ZNF292: variants seen among roughly 807,000 people sequenced by gnomAD.
The protein encoded by ZNF292 is 16 zinc-finger domain protein.
A neutral mutation model predicts 217.9 loss-of-function variants in ZNF292; 26 were observed. That is an observed-to-expected ratio of 0.12 (90% confidence interval 0.09 to 0.17). ZNF292 has a LOEUF of 0.17. Ranked by LOEUF, ZNF292 falls within the 10% of genes least tolerant of loss-of-function variation. ZNF292 has a pLI of 1.00. For missense variants in ZNF292, 2,904 were observed against 3,175.2 expected (o/e 0.91, Z 2.05); for synonymous variants, 1,257 against 1,124.1 (o/e 1.12, Z -2.37).
rs1219868035 is a variant in ZNF292, at chr6:87,261,625, G to A, written c.7996G>A (p.Val2666Ile). The A allele has an allele frequency of 2.5e-6, 4 of 1,611,132 alleles. No individual in the cohort carries two copies. The highest frequency in any genetic ancestry group is 2.2e-5 in the East Asian group (1 of 44,794). Residue 2666 changes from valine to isoleucine, a missense_variant, in exon 8 of 8, where the codon GTA becomes ATA. By Grantham distance (29) the Val-to-Ile change is conservative (BLOSUM62 3). Coordinates refer to ENST00000369577, the MANE Select transcript of ZNF292 (RefSeq NM_015021.3). ...NPSQLQCSDN[V>I]KIVLDKNLKD... ...ATCACAGCTTCAGTGCAGTGATAAT[G>A]TAAAAATTGTTTTAGACAAGAATCT...
In ZNF292 at chr6:87,260,177, T is replaced by C; in HGVS notation, c.6548T>C (p.Phe2183Ser). 6.2e-7 allele frequency: 1 copy of C among 1,612,904 alleles called. No individual in the cohort carries two copies. Among genetic ancestry groups the C allele is most frequent in the Non-Finnish European group, 8.5e-7 (1 of 1,179,018 alleles). Residue 2183 changes from phenylalanine (F) to serine (S), a missense_variant, in exon 8 of 8, where the codon TTC becomes TCC. Around this residue, in one of 15 missense-constraint regions of ZNF292, gnomAD observed 261 missense variants for 272.8 expected, o/e 0.96. Coordinates refer to ENST00000369577, the MANE Select transcript of ZNF292 (RefSeq NM_015021.3). ...CAGGTAAGTGACTGTTCTCGAATTT[T>C]CCAAGCAATTACTGGCCTAATACAA... Reference protein sequence around the residue: ...RCQVSDCSRIFQAITGLIQHY... With the variant: ...RCQVSDCSRISQAITGLIQHY...
chr6:87,251,870 C>T (rs1355246376), intron 7 of ZNF292, among the ~76,000 whole-genome samples: 1 of 152,096 alleles, frequency 6.6e-6, no homozygotes, highest in African/African-American at 2.4e-5. Flanking sequence ...GTTTTTAAAG[C>T]AAATTTATTG....
At chr6:87,227,658 CT>C (rs1327152566) in intron 4 of ZNF292, among the ~76,000 whole-genome samples, 2 of 152,100 alleles carry the variant, frequency 1.3e-5, no homozygotes, top group Non-Finnish European at 2.9e-5. Flanking sequence ...ATTTTGAGTA[CT>C]TTAGATACCT....
intron 5 of ZNF292, among the ~76,000 whole-genome samples, chr6:87,238,409 C>T (rs1582475101): frequency 6.6e-6 from 1 of 151,470 alleles, no homozygotes; most frequent in Non-Finnish European, 1.5e-5. Flanking sequence ...TCGCTTCATC[C>T]TGGGAGGTGG....
intron 1 of ZNF292, among the ~76,000 whole-genome samples, chr6:87,199,960 T>C (rs764455894): frequency 2.0e-4 from 30 of 152,218 alleles, no homozygotes; most frequent in Admixed American, 1.6e-3. Context: ...TGGCCCATGA[T>C]AGACATACAC....
intron 1 of ZNF292, among the ~76,000 whole-genome samples, chr6:87,186,931 A>G (rs1251385419): frequency 6.6e-6 from 1 of 152,204 alleles, no homozygotes; most frequent in East Asian, 1.9e-4. Flanking sequence ...CTCACGTTAC[A>G]TTAGCAGCAA....
chr6:87,261,879 C>T lies in ZNF292; in HGVS notation c.*78C>T. The T allele has an allele frequency of 1.9e-6, 2 of 1,028,596 alleles. No individual in the cohort carries two copies. Among genetic ancestry groups the T allele is most frequent in the Non-Finnish European group, 1.3e-6 (1 of 753,290 alleles). The allele number at this position is 1,028,596 out of a possible 1,614,324, so 63.7% of individuals were successfully genotyped here. A position where few individuals can be genotyped will look rare whatever the true frequency, so the allele number is the denominator to read the frequency against. ...CATCAAGCATGCTAGAATTGTGAAA[C>T]TTTCATTATATTTTTTTGTTGTTGA... On this transcript the variant is annotated 3_prime_UTR_variant, in exon 8 of 8. Transcript: ENST00000369577.
intron 5 of ZNF292, among the ~76,000 whole-genome samples, chr6:87,234,600 G>T (rs1773810861): frequency 6.6e-6 from 1 of 151,958 alleles, no homozygotes; most frequent in Admixed American, 6.6e-5. Flanking sequence ...CCTATAGTAG[G>T]TTGATCAGTG....
At chr6:87,245,165 C>G (rs1016986522) in intron 6 of ZNF292, among the ~76,000 whole-genome samples, 1 of 151,850 alleles carries the variant, frequency 6.6e-6, no homozygotes, top group Non-Finnish European at 1.5e-5. Context: ...CGCTTGAACC[C>G]GGGAGGCAAG....
At chr6:87,208,187 C>T (rs1772327442) in intron 1 of ZNF292, among the ~76,000 whole-genome samples, 1 of 152,142 alleles carries the variant, frequency 6.6e-6, no homozygotes, top group Non-Finnish European at 1.5e-5. Context: ...TATTTTGATC[C>T]TCTCTTTGTT....
intron 1 of ZNF292, among the ~76,000 whole-genome samples, chr6:87,203,366 C>A (rs1038417924): frequency 2.8e-4 from 42 of 151,812 alleles, no homozygotes; most frequent in African/African-American, 9.7e-4. Context: ...TGATCTTGGA[C>A]TTCTGAGCTT....
In ZNF292 at chr6:87,215,914, A is replaced by C. The variant is rs774102060; in HGVS notation, c.180A>C (p.Glu60Asp). 13 of 1,598,736 alleles carry C rather than the reference A, an allele frequency of 8.1e-6. No individual in the cohort carries two copies. The highest frequency in any genetic ancestry group is 1.1e-5 in the Non-Finnish European group (13 of 1,175,094). ...YCQQLCQTLL[E>D]YAEKWKTSED... The stretch of plus-strand genomic sequence containing the variant: ...TCCTTCCAAAACAGACACTCCTAGA[A>C]TATGCAGAGAAATGGAAAACTTCAG... Residue 60 changes from glutamate (E) to aspartate (D), a missense_variant, in exon 2 of 8, where the codon GAA becomes GAC. By Grantham distance (45) the Glu-to-Asp change is conservative (BLOSUM62 2). Coordinates refer to ENST00000369577, the MANE Select transcript of ZNF292 (RefSeq NM_015021.3).
intron 1 of ZNF292, among the ~76,000 whole-genome samples, chr6:87,177,130 C>T (rs750663934): frequency 6.6e-6 from 1 of 152,120 alleles, no homozygotes. Flanking sequence ...GAGTTCAAGA[C>T]CAGCTTGGCC....
At chr6:87,194,144 C>T (rs759936815) in intron 1 of ZNF292, among the ~76,000 whole-genome samples, 14 of 151,974 alleles carry the variant, frequency 9.2e-5, no homozygotes, top group Non-Finnish European at 1.8e-4. Context: ...GCACAGCTAT[C>T]AGAATGAATT....
chr6:87,210,184 A>G (rs1425400298), intron 1 of ZNF292, among the ~76,000 whole-genome samples: 1 of 152,192 alleles, frequency 6.6e-6, no homozygotes, highest in Non-Finnish European at 1.5e-5. Flanking sequence ...AATGAGAAAT[A>G]AACTTAAGAG....
At chr6:87,162,039 G>A (rs562899863) in intron 1 of ZNF292, among the ~76,000 whole-genome samples, 4 of 152,298 alleles carry the variant, frequency 2.6e-5, no homozygotes, top group South Asian at 2.1e-4. Flanking sequence ...GTCTATGGCT[G>A]GGTCTAATTA....
intron 5 of ZNF292, among the ~76,000 whole-genome samples, chr6:87,240,425 T>A (rs1431657355): frequency 6.6e-6 from 1 of 152,128 alleles, no homozygotes; most frequent in Non-Finnish European, 1.5e-5. Flanking sequence ...GTTTTTTAAT[T>A]TTTTATTTTT....
chr6:87,261,555 A>G lies in ZNF292; in HGVS notation c.7926A>G (p.Val2642=), dbSNP rs370270000. Reference sequence around the variant, plus strand: ...CTGCTGTGACTAGTGGAAATCATGTATGTCCTTGTAAAGAAAGCGAAACGT... The same window carrying G: ...CTGCTGTGACTAGTGGAAATCATGTGTGTCCTTGTAAAGAAAGCGAAACGT... The part of the protein sequence containing the change: ...DKTAVTSGNH[V]CPCKESETFV... Residue 2642 remains valine (V), a synonymous_variant, in exon 8 of 8, where the codon GTA becomes GTG. Coordinates refer to ENST00000369577, the MANE Select transcript of ZNF292 (RefSeq NM_015021.3). The G allele has an allele frequency of 2.4e-5, 38 of 1,610,140 alleles. No homozygotes were observed. The highest frequency in any genetic ancestry group is 3.1e-5 in the Non-Finnish European group (37 of 1,178,030).
Position 87,255,115 on chromosome 6 carries a change from G to A in ZNF292, c.1486G>A (p.Gly496Arg). The A allele has an allele frequency of 6.2e-7, 1 of 1,613,644 alleles. No individual in the cohort carries two copies. The highest frequency in any genetic ancestry group is 1.1e-5 in the South Asian group (1 of 91,058). The change falls in exon 8 of 8, where the codon GGG (glycine) becomes AGG (arginine). Residue 496 changes from glycine to arginine, a missense_variant. Gly to Arg is a moderately radical substitution (Grantham distance 125). Coordinates refer to ENST00000369577, the MANE Select transcript of ZNF292 (RefSeq NM_015021.3). Reference protein sequence around the residue: ...QEESKETSMNGLSGGVGANSG... With the variant: ...QEESKETSMNRLSGGVGANSG... ...AGAGAGTAAAGAAACTTCTATGAAT[G>A]GGCTTTCTGGTGGAGTTGGTGCTAA...
Sources: allele counts gnomAD v4.1 joint callset (sites outside exome capture counted in the v4.1 genomes callset), GRCh38; gene constraint gnomAD v4.1.1; regional missense constraint gnomAD v4.1.1; transcripts MANE v1.5; gene names NCBI Gene and HGNC (gene_info 2026-07-23, HGNC 2026-07-21).